ADGRF3: variants seen among roughly 807,000 people sequenced by gnomAD.
ADGRF3 encodes the protein G protein-coupled receptor 113.
A neutral mutation model predicts 93.2 loss-of-function variants in ADGRF3; 85 were observed. The observed-to-expected ratio is 0.91, with a 90% CI of 0.77 to 1.09. The LOEUF (loss-of-function observed/expected upper bound fraction) is 1.09. ADGRF3 is among the 50% of genes least tolerant of loss of function. The pLI, the probability that ADGRF3 is intolerant of heterozygous loss-of-function variation, is 0.00. For synonymous variants in ADGRF3, 534 were observed against 532.5 expected, an observed-to-expected ratio of 1.00 and a Z score of -0.04; for missense variants, 1,125 against 1,246.2, an observed-to-expected ratio of 0.90 and a Z score of 1.46.
chr2:26,312,921 C>T lies in ADGRF3; in HGVS notation c.1449+22G>A, dbSNP rs1199732820. The T allele has an allele frequency of 2.5e-6, 4 of 1,588,170 alleles. No homozygotes were observed. In the East Asian group the frequency reaches 9.1e-5, roughly 36 times the overall value. On this transcript the variant is annotated intron_variant, in intron 9 of 13. Transcript: ENST00000651242. ...AGCCCCCGACTGCCCAGCTGGCCCCCACTGTGGCTCAGAGATCTCACCTTC... is the reference window on the plus strand; with the variant it reads ...AGCCCCCGACTGCCCAGCTGGCCCCTACTGTGGCTCAGAGATCTCACCTTC...
intron 1 of ADGRF3, chr2:26,317,980 C>A: frequency 6.8e-7 from 1 of 1,477,472 alleles, no homozygotes; most frequent in Non-Finnish European, 9.3e-7. Context: ...CTCTTTCCTC[C>A]GTCTTTGGTT....
chr2:26,345,745 C>T (rs562414029), intron 1 of ADGRF3: 1 of 229,162 alleles, frequency 4.4e-6, no homozygotes, highest in African/African-American at 2.3e-5. Flanking sequence ...CAAGCAGTCA[C>T]TCTACCCCCA....
rs1308723416 is a variant in ADGRF3 at position 26,313,589 on chromosome 2, C to T, written c.1073-16G>A. The T allele has an allele frequency of 1.3e-6, 2 of 1,596,006 alleles. No homozygotes were observed. The highest frequency in any genetic ancestry group is 2.3e-5 in the South Asian group (2 of 88,808). ...ATGTCTCCATCTGAAGAATGACGAG[C>T]AGGCGCTACTCAGCAATCACAGCCT... is the stretch of plus-strand genomic sequence containing the variant. On this transcript the variant is annotated splice_polypyrimidine_tract_variant and intron_variant, in intron 7 of 13. Coordinates refer to ENST00000651242, the MANE Select transcript of ADGRF3 (RefSeq NM_001321971.2).
chr2:26,340,398 T>G (rs1490390083), intron 1 of ADGRF3: 4 of 152,172 alleles, frequency 2.6e-5, no homozygotes, highest in Non-Finnish European at 4.4e-5. Context: ...TTTTTTCTCC[T>G]AGTGACTTTC....
chr2:26,317,900 G>C (rs1674842709), intron 1 of ADGRF3: 1 of 858,212 alleles, frequency 1.2e-6, no homozygotes, highest in African/African-American at 1.7e-5. Flanking sequence ...GACATTGCTG[G>C]CTGGGGCCCA....
intron 6 of ADGRF3, 27 bp downstream of exon 6, chr2:26,314,387 C>T: frequency 6.3e-7 from 1 of 1,596,570 alleles, no homozygotes; most frequent in East Asian, 2.2e-5. Context: ...GTCCCTCTGA[C>T]CCCTGACTGC....
In ADGRF3 at chr2:26,346,548, A is replaced by T. The variant is rs533211073; in HGVS notation, c.-314T>A. 87 of 386,700 alleles carry T rather than the reference A, an allele frequency of 2.2e-4. No individual in the cohort carries two copies. Among genetic ancestry groups the T allele is most frequent in the African/African-American group, 1.7e-3 (81 of 47,554 alleles). 24.0% of individuals were successfully genotyped at this position (386,700 alleles called of 1,614,324 possible). On this transcript the variant is annotated 5_prime_UTR_variant, in exon 1 of 14. Transcript: ENST00000651242. ...GCGCTCAGTGATCATGGAGCGAGGG[A>T]ATTCCCTTCCTATTTTTTTTAAACT... is the stretch of plus-strand genomic sequence containing the variant.
chr2:26,333,183 G>A (rs1439132702), intron 1 of ADGRF3, among the ~76,000 whole-genome samples: 1 of 151,868 alleles, frequency 6.6e-6, no homozygotes, highest in Non-Finnish European at 1.5e-5. Context: ...GTGCTCTTTG[G>A]AAAGCATGTT....
At chr2:26,323,637 T>G (rs1389366476) in intron 1 of ADGRF3, among the ~76,000 whole-genome samples, 4 of 150,588 alleles carry the variant, frequency 2.7e-5, no homozygotes, top group Non-Finnish European at 5.9e-5. Context: ...GTGTTTGTTT[T>G]TTTTTTTTTT....
chr2:26,318,202 C>T (rs1283022438), intron 1 of ADGRF3: 4 of 898,298 alleles, frequency 4.5e-6, no homozygotes, highest in Non-Finnish European at 6.7e-6. Context: ...TGGAGGGGCT[C>T]ACTGTGTCAC....
intron 2 of ADGRF3, 140 bp downstream of exon 2, chr2:26,317,356 G>T: frequency 2.5e-6 from 2 of 806,454 alleles, no homozygotes; most frequent in South Asian, 1.7e-5. Context: ...AGACCTGTCC[G>T]ACTGTGATCA....
chr2:26,324,007 C>T (rs934119741), intron 1 of ADGRF3, among the ~76,000 whole-genome samples: 5 of 152,128 alleles, frequency 3.3e-5, no homozygotes, highest in African/African-American at 9.6e-5. Flanking sequence ...TTTGGGAGGC[C>T]GAGGCGGGTG....
At chr2:26,338,953 T>C (rs1033140053) in intron 1 of ADGRF3, among the ~76,000 whole-genome samples, 2 of 148,838 alleles carry the variant, frequency 1.3e-5, no homozygotes, top group Non-Finnish European at 1.5e-5. Context: ...CTGGCCAACA[T>C]GGTGAAATCC....
rs1673779791 is a variant in ADGRF3 at position 26,308,896 on chromosome 2, G to A, written c.*190C>T. The A allele has an allele frequency of 3.0e-6, 2 of 673,910 alleles. No individual in the cohort carries two copies. Among genetic ancestry groups the A allele is most frequent in the East Asian group, 2.8e-5 (1 of 36,256 alleles). 41.7% of individuals were successfully genotyped at this position (673,910 alleles called of 1,614,324 possible). A position where few individuals can be genotyped will look rare whatever the true frequency, so the allele number is the denominator to read the frequency against. ...GCTAATTTTTCCTGCTATTCTTGCT[G>A]GATACTTTAGAAATGAGAAGGGGTG... On this transcript the variant is annotated 3_prime_UTR_variant, in exon 14 of 14. Transcript: ENST00000651242.
At chr2:26,309,471 A>G in intron 13 of ADGRF3, 55 bp downstream of exon 13, 1 of 1,587,340 alleles carries the variant, frequency 6.3e-7, no homozygotes, top group Non-Finnish European at 8.6e-7. Flanking sequence ...GCCCTTTGCC[A>G]CACCGTCCTC....
chr2:26,313,742 G>T lies in ADGRF3; in HGVS notation c.1072+18C>A, dbSNP rs1329201895. 3 of 1,613,180 alleles carry T rather than the reference G, an allele frequency of 1.9e-6. No individual in the cohort carries two copies. The highest frequency in any genetic ancestry group is 2.5e-6 in the Non-Finnish European group (3 of 1,179,672). The stretch of plus-strand genomic sequence containing the variant: ...CAAGCAGCTGGGACCAGCCCACTGG[G>T]CCCCAGGCCCTGCGTACCCTGGATG... On this transcript the variant is annotated intron_variant, in intron 7 of 13. Transcript: ENST00000651242.
At chr2:26,317,237 C>A (rs1239110088) in intron 2 of ADGRF3, among the ~76,000 whole-genome samples, 182 bp from the exon 3 acceptor site, 1 of 152,144 alleles carries the variant, frequency 6.6e-6, no homozygotes, top group Non-Finnish European at 1.5e-5. Flanking sequence ...GGCACTGTGC[C>A]TTCAGATACA....
At chr2:26,323,577 A>T (rs1675274319) in intron 1 of ADGRF3, among the ~76,000 whole-genome samples, 1 of 151,728 alleles carries the variant, frequency 6.6e-6, no homozygotes, top group Admixed American at 6.6e-5. Context: ...AGTTGGGATT[A>T]CAGGCGTGAG....
At chr2:26,329,895 A>G (rs1215660596) in intron 1 of ADGRF3, among the ~76,000 whole-genome samples, 1 of 152,152 alleles carries the variant, frequency 6.6e-6, no homozygotes, top group Non-Finnish European at 1.5e-5. Flanking sequence ...TAATTCCAAC[A>G]TCTTTGTCAT....
Sources: gnomAD v4.1 joint callset for allele counts (sites outside exome capture counted in the v4.1 genomes callset) on GRCh38, gnomAD v4.1.1 for gene constraint, MANE v1.5 for transcripts, NCBI Gene and HGNC (gene_info 2026-07-23, HGNC 2026-07-21) for gene names.